The following SLC27A4 variants were observed in gnomAD, a reference collection of about 807,000 sequenced individuals.
SLC27A4 encodes the protein solute carrier family 27 member 4, also known as long-chain fatty acid transport protein 4.
A neutral mutation model predicts 64.4 loss-of-function variants in SLC27A4; 33 were observed. The ratio of observed to expected loss-of-function variants is 0.51; its 90% confidence interval spans 0.39 to 0.68. SLC27A4 has a LOEUF of 0.68. Among genes scored for constraint, SLC27A4 ranks in the 30% least tolerant of loss-of-function variants. The pLI, the probability that SLC27A4 is intolerant of heterozygous loss-of-function variation, is 0.00. For synonymous variants in SLC27A4, 377 were observed against 370.0 expected (o/e 1.02, Z -0.22); for missense variants, 824 against 883.5 (o/e 0.93, Z 0.85).
chr9:128,340,978 C>T, intron 1 of SLC27A4, 140 bp downstream of exon 1: 1 of 476,716 alleles, frequency 2.1e-6, no homozygotes, highest in Non-Finnish European at 3.8e-6. Context: ...ACCTTGCTGT[C>T]TAGGGGCGAG....
intron 9 of SLC27A4, 42 bp from the exon 10 acceptor site, chr9:128,355,011 A>G (rs973089942): frequency 2.0e-6 from 3 of 1,530,788 alleles, no homozygotes; most frequent in Non-Finnish European, 2.7e-6. Flanking sequence ...CGGGTGGGAG[A>G]GGCTGCCTAG....
At chr9:128,352,859 C>T (rs1832758204) in intron 7 of SLC27A4, 112 bp downstream of exon 7, 1 of 1,076,886 alleles carries the variant, frequency 9.3e-7, no homozygotes, top group African/African-American at 1.6e-5. Context: ...CCAAAGGGCT[C>T]ATTTGTGGCA....
intron 1 of SLC27A4, 84 bp downstream of exon 1, chr9:128,340,922 T>G (rs1399218257): frequency 8.1e-6 from 4 of 495,684 alleles, no homozygotes; most frequent in Admixed American, 3.6e-5. Context: ...GGACCCCAGG[T>G]GGGGGGCGCG....
At position 128,350,550 on chromosome 9, in the gene SLC27A4, C is replaced by T. The variant is rs748175622; in HGVS notation, c.852C>T (p.Asp284=). The change falls in exon 6 of 13, where the codon GAC becomes GAT. Residue 284 remains aspartate (D), a synonymous_variant. Transcript: ENST00000300456. ...TGCGGCCCAACGACATCGTCTATGA[C>T]TGCCTCCCCCTCTACCACTCAGCAG... The part of the protein sequence containing the change: ...FRMRPNDIVY[D]CLPLYHSAGN... 2 of 1,613,494 alleles carry T rather than the reference C, an allele frequency of 1.2e-6. No homozygotes were observed. Among genetic ancestry groups the T allele is most frequent in the African/African-American group, 1.3e-5 (1 of 75,056 alleles).
chr9:128,348,706 G>A lies in SLC27A4; in HGVS notation c.715+3G>A, dbSNP rs750402621. The A allele has an allele frequency of 1.2e-6, 2 of 1,613,786 alleles. No homozygotes were observed. Among genetic ancestry groups the A allele is most frequent in the Admixed American group, 1.7e-5 (1 of 60,022 alleles). ...TTGCCCTGACAAGGGCTTCACAGGT[G>A]GGCTCCATCCCCTCCCCATAGAGGG... On this transcript the variant is annotated splice_donor_region_variant and intron_variant, in intron 4 of 12. Transcript: ENST00000300456.
rs1234731044 is a variant in SLC27A4 at position 128,345,522 on chromosome 9, CT to C, written c.531del (p.Val178SerfsTer45). 13 of 1,608,288 alleles carry C rather than the reference CT, an allele frequency of 8.1e-6. No individual in the cohort carries two copies. The highest frequency in any genetic ancestry group is 1.0e-5 in the Non-Finnish European group (12 of 1,178,008). On this transcript the variant is annotated frameshift_variant, in exon 3 of 13. Transcript: ENST00000300456. LOFTEE classifies it high-confidence loss of function. The surrounding 1 kb of genome is among the most constrained non-coding windows in gnomAD (Gnocchi z 4.1). Reference sequence around the variant, plus strand: ...CCTCACCACCTCGCGCGCACGGGCCCTTGTCTTTGGCAGCGAAATGGCCTCA... The same window carrying C: ...CCTCACCACCTCGCGCGCACGGGCCCTGTCTTTGGCAGCGAAATGGCCTCA... Reference protein sequence around the residue: ...HCLTTSRARALVFGSEMASAI... With the variant: ...HCLTTSRARAXVFGSEMASAI...
intron 1 of SLC27A4, 40 bp downstream of exon 1, chr9:128,340,878 A>G: frequency 1.7e-6 from 1 of 591,670 alleles, no homozygotes; most frequent in East Asian, 3.2e-5. Flanking sequence ...GGGTGGGGAC[A>G]TGTGCCAGGC....
At chr9:128,344,495 G>A (rs1202812417) in intron 2 of SLC27A4, among the ~76,000 whole-genome samples, 2 of 151,976 alleles carry the variant, frequency 1.3e-5, no homozygotes, top group Non-Finnish European at 2.9e-5. Flanking sequence ...CTCCAACCTG[G>A]GTGACAGAGT....
At chr9:128,347,657 G>A (rs916029195) in intron 3 of SLC27A4, among the ~76,000 whole-genome samples, 12 of 149,322 alleles carry the variant, frequency 8.0e-5, no homozygotes, top group Non-Finnish European at 1.5e-4. Flanking sequence ...AACCAAGTGA[G>A]CCGAGATCAT....
At chr9:128,359,193 T>C (rs531451760) in intron 12 of SLC27A4, among the ~76,000 whole-genome samples, 60 of 152,188 alleles carry the variant, frequency 3.9e-4, no homozygotes, top group Non-Finnish European at 5.3e-4. Context: ...TTAATACCAT[T>C]GATTGAAAGA....
At chr9:128,352,137 G>C (rs926978635) in intron 6 of SLC27A4, among the ~76,000 whole-genome samples, 4 of 151,866 alleles carry the variant, frequency 2.6e-5, no homozygotes, top group African/African-American at 9.7e-5. Flanking sequence ...GGAGCTTGCA[G>C]TGAGCCGAGA....
In SLC27A4 at chr9:128,356,602, G is replaced by A. The variant is rs748497708; in HGVS notation, c.1774+806G>A. On this transcript the variant is annotated intron_variant, in intron 12 of 12. Transcript: ENST00000300456. ...GCAGATCACTTGAGGTCAGGAGTTCGAGACCAGCCTGCCCAACATGGCAAA... is the reference window on the plus strand; with the variant it reads ...GCAGATCACTTGAGGTCAGGAGTTCAAGACCAGCCTGCCCAACATGGCAAA... Among the ~76,000 whole-genome samples the A allele has an allele frequency of 2.6e-5, 4 of 152,334 alleles. No individual in the cohort carries two copies. In the South Asian group the frequency reaches 6.2e-4, roughly 24 times the overall value.
intron 10 of SLC27A4, 47 bp downstream of exon 10, chr9:128,355,237 A>G: frequency 1.9e-6 from 3 of 1,607,368 alleles, no homozygotes; most frequent in Non-Finnish European, 1.7e-6. Flanking sequence ...TTGGGGGAGG[A>G]GGGGACCTTC....
intron 1 of SLC27A4, chr9:128,342,469 C>T (rs1031939846): frequency 1.3e-6 from 2 of 1,494,846 alleles, no homozygotes; most frequent in Non-Finnish European, 1.8e-6. Flanking sequence ...GAGGTTGGAT[C>T]AAGTTTAAAT....
rs1832811501 is a variant in SLC27A4, at chr9:128,355,769, C to T, written c.1747C>T (p.Arg583Cys). 1.9e-6 allele frequency: 3 copies of T among 1,613,512 alleles called. No homozygotes were observed. The highest frequency in any genetic ancestry group is 2.2e-5 in the East Asian group (1 of 44,886). ...LPLYARPIFLRLLPELHKTGT... is the reference protein window; with the variant it reads ...LPLYARPIFLCLLPELHKTGT... ...CCTGTATGCGCGCCCCATCTTCCTGCGCCTCCTGCCTGAGCTGCACAAAAC... is the reference window on the plus strand; with the variant it reads ...CCTGTATGCGCGCCCCATCTTCCTGTGCCTCCTGCCTGAGCTGCACAAAAC... Residue 583 changes from arginine (R) to cysteine (C), a missense_variant, in exon 12 of 13, where the codon CGC becomes TGC. Transcript: ENST00000300456.
intron 9 of SLC27A4, among the ~76,000 whole-genome samples, 190 bp from the exon 10 acceptor site, chr9:128,354,863 G>A (rs891862479): frequency 1.3e-5 from 2 of 148,808 alleles, no homozygotes; most frequent in Non-Finnish European, 1.5e-5. Context: ...TAAGGCAGGA[G>A]AATTGCTTGA....
At chr9:128,358,172 C>T (rs1006763777) in intron 12 of SLC27A4, among the ~76,000 whole-genome samples, 5 of 152,194 alleles carry the variant, frequency 3.3e-5, no homozygotes, top group Non-Finnish European at 7.3e-5. Flanking sequence ...CTTCTATTGA[C>T]CTTGCTTTGG....
chr9:128,344,725 G>A (rs1009949910), intron 2 of SLC27A4, among the ~76,000 whole-genome samples: 8 of 152,286 alleles, frequency 5.3e-5, no homozygotes, highest in Non-Finnish European at 8.8e-5. Context: ...ATGGTGGGTC[G>A]AGGGAGCAGC....
intron 4 of SLC27A4, among the ~76,000 whole-genome samples, chr9:128,349,180 C>T (rs755431381): frequency 6.6e-6 from 1 of 152,202 alleles, no homozygotes; most frequent in African/African-American, 2.4e-5. Context: ...CTCCAGGCAG[C>T]CTTCCTGAGC....
Sources: allele counts gnomAD v4.1 joint callset (sites outside exome capture counted in the v4.1 genomes callset), GRCh38; gene constraint gnomAD v4.1.1; non-coding constraint Gnocchi (gnomAD v3.1); transcripts MANE v1.5; gene names NCBI Gene and HGNC (gene_info 2026-07-23, HGNC 2026-07-21).